The following ASTN2 variants were observed in gnomAD, a reference collection of about 807,000 sequenced individuals.
The protein encoded by ASTN2 is astrotactin-2.
In ASTN2, 54 loss-of-function variants were observed where a neutral mutation model predicts 139.8. That is an observed-to-expected ratio of 0.39 (90% CI 0.31 to 0.48). The LOEUF is 0.48. Ranked by LOEUF, ASTN2 falls within the 20% of genes least tolerant of loss-of-function variation. The pLI is 0.95. For missense variants in ASTN2, 1,565 were observed against 1,725.1 expected (o/e 0.91, Z 1.64); for synonymous variants, 756 against 719.5 (o/e 1.05, Z -0.81).
chr9:117,401,250 T>C (rs568546985), intron 1 of ASTN2, among the ~76,000 whole-genome samples: 3 of 152,264 alleles, frequency 2.0e-5, no homozygotes, highest in South Asian at 2.1e-4. Flanking sequence ...GTTCCTCAGC[T>C]ACGTAGCTGA....
At chr9:117,317,161 C>G (rs943678722) in intron 1 of ASTN2, among the ~76,000 whole-genome samples, 3 of 152,188 alleles carry the variant, frequency 2.0e-5, no homozygotes, top group Non-Finnish European at 4.4e-5. Flanking sequence ...CACATAAACA[C>G]ACACAGAGAA....
intron 1 of ASTN2, among the ~76,000 whole-genome samples, chr9:117,337,824 C>G (rs535754516): frequency 5.9e-5 from 9 of 152,178 alleles, no homozygotes; most frequent in Non-Finnish European, 1.2e-4. Context: ...CACAACTGAC[C>G]TAATATCCAA....
rs149819241 is a variant in ASTN2 at position 116,942,284 on chromosome 9, C to T, written c.1889+32924G>A. Among the ~76,000 whole-genome samples, 726 of 152,258 alleles carry T rather than the reference C, an allele frequency of 4.8e-3. 3 individuals carry two copies. Among genetic ancestry groups the T allele is most frequent in the Non-Finnish European group, 6.2e-3 (419 of 68,030 alleles). On this transcript the variant is annotated intron_variant, in intron 10 of 22. Transcript: ENST00000313400. ...AACTGCAGCTAACCACCGTCTCAGC[C>T]CACCTTGAACCTCCACTGAACTCAC... is the stretch of plus-strand genomic sequence containing the variant.
At position 116,511,577 on chromosome 9, in the gene ASTN2, G is replaced by C. The variant is rs776569561; in HGVS notation, c.3356-24077C>G. On this transcript the variant is annotated intron_variant, in intron 19 of 22. Transcript: ENST00000313400. ...TGATTGGAAGAGTTTCAGAAGGAATGGTACGAGCTCTGCCTTGTACCTCTG... is the reference window on the plus strand; with the variant it reads ...TGATTGGAAGAGTTTCAGAAGGAATCGTACGAGCTCTGCCTTGTACCTCTG... Among the ~76,000 whole-genome samples, 115 of 152,268 alleles carry C rather than the reference G, an allele frequency of 7.6e-4. 1 individual carries two copies. The highest frequency in any genetic ancestry group is 6.8e-3 in the Middle Eastern group (2 of 294).
intron 11 of ASTN2, among the ~76,000 whole-genome samples, chr9:116,831,240 C>T (rs1161731009): frequency 1.3e-5 from 2 of 151,382 alleles, no homozygotes; most frequent in South Asian, 4.2e-4. Flanking sequence ...TGACAAAGTA[C>T]TACTGATTGG....
At chr9:117,272,017 G>T in intron 2 of ASTN2, among the ~76,000 whole-genome samples, 1 of 152,174 alleles carries the variant, frequency 6.6e-6, no homozygotes, top group East Asian at 1.9e-4. Flanking sequence ...GGGATGCTCT[G>T]TGGGGGCTCC....
At chr9:117,175,521 T>C (rs953084821) in intron 3 of ASTN2, among the ~76,000 whole-genome samples, 1 of 152,110 alleles carries the variant, frequency 6.6e-6, no homozygotes, top group Non-Finnish European at 1.5e-5. Flanking sequence ...AGTCCTGCCC[T>C]TTCTGATACC....
intron 1 of ASTN2, among the ~76,000 whole-genome samples, chr9:117,382,359 A>T (rs189025910): frequency 6.6e-6 from 1 of 152,316 alleles, no homozygotes; most frequent in Admixed American, 6.5e-5. Flanking sequence ...ATCTGCAGAG[A>T]CATTTATTTT....
intron 19 of ASTN2, among the ~76,000 whole-genome samples, chr9:116,503,662 T>C (rs1197375056): frequency 6.6e-6 from 1 of 152,120 alleles, no homozygotes; most frequent in Non-Finnish European, 1.5e-5. Flanking sequence ...ACACATATAC[T>C]ATATATACAC....
chr9:117,065,577 G>A (rs1827911179), intron 5 of ASTN2, among the ~76,000 whole-genome samples: 1 of 152,140 alleles, frequency 6.6e-6, no homozygotes, highest in African/African-American at 2.4e-5. Flanking sequence ...AGTTTGCCTG[G>A]AGTGTAGACC....
chr9:117,354,386 A>G (rs1829477347), intron 1 of ASTN2, among the ~76,000 whole-genome samples: 2 of 151,830 alleles, frequency 1.3e-5, no homozygotes, highest in African/African-American at 2.4e-5. Flanking sequence ...GCTGTTTCTC[A>G]CTGCAGGGGC....
intron 13 of ASTN2, among the ~76,000 whole-genome samples, chr9:116,738,580 C>G (rs1829008841): frequency 6.6e-6 from 1 of 152,024 alleles, no homozygotes; most frequent in Non-Finnish European, 1.5e-5. Context: ...TCTATCTAAT[C>G]AAAAACCACT....
intron 10 of ASTN2, among the ~76,000 whole-genome samples, chr9:116,955,433 G>A (rs1176610639): frequency 2.6e-5 from 4 of 152,258 alleles, no homozygotes; most frequent in Admixed American, 6.5e-5. Flanking sequence ...CAAATATGTT[G>A]TGACTAAAAA....
rs528302840 is a variant in ASTN2 at position 117,243,828 on chromosome 9, G to A, written c.631-29086C>T. On this transcript the variant is annotated intron_variant, in intron 2 of 22. Transcript: ENST00000313400. ...ACCCAGACACTGTCAGATACTTCAAGGTGGCTACCCAATATGCATTTCCCT... is the reference window on the plus strand; with the variant it reads ...ACCCAGACACTGTCAGATACTTCAAAGTGGCTACCCAATATGCATTTCCCT... Among the ~76,000 whole-genome samples, 8 of 152,250 alleles carry A rather than the reference G, an allele frequency of 5.3e-5. No homozygotes were observed. The South Asian group carries it at 1.5e-3, about 28-fold the overall frequency.
At chr9:117,068,805 T>C (rs1437437101) in intron 5 of ASTN2, among the ~76,000 whole-genome samples, 1 of 135,200 alleles carries the variant, frequency 7.4e-6, no homozygotes, top group East Asian at 2.6e-4. Context: ...TACAGGTGTT[T>C]GTAGTATTCT....
chr9:116,677,668 G>T (rs922301814), intron 16 of ASTN2, among the ~76,000 whole-genome samples: 1 of 152,104 alleles, frequency 6.6e-6, no homozygotes, highest in Non-Finnish European at 1.5e-5. Context: ...ATTGGCTTTG[G>T]GTTGCCTTGC....
intron 2 of ASTN2, among the ~76,000 whole-genome samples, chr9:117,285,585 T>C (rs995792629): frequency 1.3e-5 from 2 of 152,216 alleles, no homozygotes; most frequent in Non-Finnish European, 2.9e-5. Context: ...TTCTATGTTA[T>C]TATATCACAG....
chr9:116,457,550 G>A (rs1848369904), intron 20 of ASTN2, among the ~76,000 whole-genome samples: 1 of 152,080 alleles, frequency 6.6e-6, no homozygotes, highest in African/African-American at 2.4e-5. Flanking sequence ...GATCTGAATA[G>A]ACATTTCTCA....
At chr9:117,365,090 A>C (rs1336397637) in intron 1 of ASTN2, among the ~76,000 whole-genome samples, 4 of 151,802 alleles carry the variant, frequency 2.6e-5, no homozygotes, top group Non-Finnish European at 5.9e-5. Flanking sequence ...TAGAGGTTGC[A>C]GTAAGCCAAC....
Sources: allele counts gnomAD v4.1 joint callset (sites outside exome capture counted in the v4.1 genomes callset), GRCh38; gene constraint gnomAD v4.1.1; transcripts MANE v1.5; gene names NCBI Gene and HGNC (gene_info 2026-07-23, HGNC 2026-07-21).